TNRC6B: variants seen among roughly 807,000 people sequenced by gnomAD.
TNRC6B encodes the protein trinucleotide repeat-containing gene 6B protein.
In TNRC6B, 52 loss-of-function variants were observed where a neutral mutation model predicts 203.6. The ratio of observed to expected loss-of-function variants is 0.26; its 90% confidence interval spans 0.20 to 0.32. The LOEUF (loss-of-function observed/expected upper bound fraction) is 0.32, where lower values mean the gene tolerates loss of function less well. Among genes scored for constraint, TNRC6B ranks in the 10% least tolerant of loss-of-function variants. TNRC6B has a pLI of 1.00. For missense variants in TNRC6B, 1,923 were observed against 2,286.2 expected (o/e 0.84, Z 3.24); for synonymous variants, 838 against 845.7 (o/e 0.99, Z 0.16).
At chr22:40,262,588 G>A (rs1601466191) in intron 4 of TNRC6B, among the ~76,000 whole-genome samples, 1 of 152,260 alleles carries the variant, frequency 6.6e-6, no homozygotes, top group East Asian at 1.9e-4. Flanking sequence ...TTGCTACATT[G>A]CAATATAGAA....
At chr22:40,185,632 A>C (rs1017342662) in intron 1 of TNRC6B, among the ~76,000 whole-genome samples, 1 of 152,120 alleles carries the variant, frequency 6.6e-6, no homozygotes, top group African/African-American at 2.4e-5. Context: ...GGGAGGATTG[A>C]GGGGAGGTTG....
intron 11 of TNRC6B, among the ~76,000 whole-genome samples, chr22:40,283,913 T>C (rs930375850): frequency 2.0e-5 from 3 of 152,238 alleles, no homozygotes; most frequent in African/African-American, 7.2e-5. Flanking sequence ...TAGTTACCAG[T>C]AACCCCACCG....
chr22:40,186,687 G>A (rs1478310084), intron 1 of TNRC6B, among the ~76,000 whole-genome samples: 8 of 148,728 alleles, frequency 5.4e-5, no homozygotes, highest in Admixed American at 3.4e-4. Flanking sequence ...GCAGTGAGCC[G>A]AGATCACGCC....
intron 3 of TNRC6B, among the ~76,000 whole-genome samples, chr22:40,126,321 T>A (rs1174329545): frequency 6.6e-6 from 1 of 152,144 alleles, no homozygotes; most frequent in Non-Finnish European, 1.5e-5. Context: ...ATGCTGAGGC[T>A]TGGGGTACAA....
At chr22:40,261,293 A>G (rs2070378261) in intron 3 of TNRC6B, among the ~76,000 whole-genome samples, 1 of 151,096 alleles carries the variant, frequency 6.6e-6, no homozygotes, top group Admixed American at 6.6e-5. Context: ...AAAAATAAAA[A>G]ATAGGCTGGG....
chr22:40,128,484 A>T (rs929473845), intron 3 of TNRC6B, among the ~76,000 whole-genome samples: 9 of 151,520 alleles, frequency 5.9e-5, no homozygotes, highest in African/African-American at 2.2e-4. Flanking sequence ...TGTTCAATAT[A>T]TTTTTTTTGA....
intron 1 of TNRC6B, among the ~76,000 whole-genome samples, chr22:40,083,305 T>C (rs544962892): frequency 1.3e-5 from 2 of 152,010 alleles, no homozygotes; most frequent in African/African-American, 4.8e-5. Context: ...CAAAAGGAGA[T>C]CATTTTAAAA....
intron 4 of TNRC6B, among the ~76,000 whole-genome samples, chr22:40,171,987 A>G (rs923648099): frequency 1.3e-5 from 2 of 151,842 alleles, no homozygotes; most frequent in East Asian, 1.9e-4. Context: ...CAGCCTTCCA[A>G]GTAGCTGGGA....
At chr22:40,099,898 C>A (rs2068219608) in intron 1 of TNRC6B, among the ~76,000 whole-genome samples, 1 of 151,784 alleles carries the variant, frequency 6.6e-6, no homozygotes. Context: ...CTACAGGCGC[C>A]CGCCACCATG....
intron 1 of TNRC6B, among the ~76,000 whole-genome samples, chr22:40,047,014 T>A (rs1018980056): frequency 4.6e-5 from 7 of 152,200 alleles, no homozygotes; most frequent in African/African-American, 1.7e-4. Flanking sequence ...CTAACATTTA[T>A]TGTATGCTTA....
At chr22:40,183,781 G>A (rs887587656) in intron 1 of TNRC6B, among the ~76,000 whole-genome samples, 24 of 151,630 alleles carry the variant, frequency 1.6e-4, no homozygotes, top group Non-Finnish European at 2.9e-4. Context: ...TGCAACCTCC[G>A]CCTCCTGGGT....
intron 1 of TNRC6B, among the ~76,000 whole-genome samples, chr22:40,063,670 G>GT (rs770263112): frequency 2.6e-5 from 4 of 151,274 alleles, no homozygotes; most frequent in East Asian, 1.9e-4. Flanking sequence ...TTGATGTTAG[G>GT]TTTTTTTCTT....
chr22:40,100,408 C>A (rs544470896), intron 1 of TNRC6B, among the ~76,000 whole-genome samples: 1 of 151,752 alleles, frequency 6.6e-6, no homozygotes, highest in Non-Finnish European at 1.5e-5. Context: ...GAGACGGAGT[C>A]TGTCTCTTGC....
chr22:40,284,107 A>G (rs1433310600), intron 11 of TNRC6B, among the ~76,000 whole-genome samples: 3 of 152,246 alleles, frequency 2.0e-5, no homozygotes, highest in Non-Finnish European at 4.4e-5. Context: ...TGTGTTGGTA[A>G]GACAGCAGCA....
chr22:40,132,644 CAAA>C (rs35771828), intron 3 of TNRC6B, among the ~76,000 whole-genome samples: 3 of 65,078 alleles, frequency 4.6e-5, no homozygotes, highest in African/African-American at 5.6e-5. Flanking sequence ...GACTCCATCT[CAAA>C]AAAAAAAAAA....
chr22:40,169,718 G>T (rs2068953506), intron 4 of TNRC6B, among the ~76,000 whole-genome samples: 1 of 152,070 alleles, frequency 6.6e-6, no homozygotes, highest in Non-Finnish European at 1.5e-5. Context: ...AAATCTGATT[G>T]TATCTCTACC....
At chr22:40,059,547 A>G (rs11913523) in intron 1 of TNRC6B, among the ~76,000 whole-genome samples, 4,111 of 152,232 alleles carry the variant, frequency 0.027, 184 homozygotes, top group African/African-American at 0.095. Context: ...GGGAGAAAGT[A>G]TTTAGTCTTG....
chr22:40,145,574 T>C (rs1032526148), intron 3 of TNRC6B, among the ~76,000 whole-genome samples: 19 of 152,318 alleles, frequency 1.2e-4, no homozygotes, highest in Non-Finnish European at 4.4e-5. Flanking sequence ...CTGGGCATGG[T>C]GGTTCACGCC....
intron 1 of TNRC6B, among the ~76,000 whole-genome samples, chr22:40,045,187 G>A (rs1191835888): frequency 6.9e-6 from 1 of 145,178 alleles, no homozygotes; most frequent in Admixed American, 6.8e-5. Context: ...GGCCGGGGAG[G>A]GGGCGTGAGC....
Sources: gnomAD v4.1 joint callset for allele counts (sites outside exome capture counted in the v4.1 genomes callset) on GRCh38, gnomAD v4.1.1 for gene constraint, MANE v1.5 for transcripts, NCBI Gene and HGNC (gene_info 2026-07-23, HGNC 2026-07-21) for gene names.